CFAP91: variants seen among roughly 807,000 people sequenced by gnomAD.
The protein encoded by CFAP91 is cilia and flagella associated protein 91, also known as cilia- and flagella-associated protein 91.
Under a neutral mutation model 95.9 loss-of-function variants are expected in CFAP91, and 85 were observed. The ratio of observed to expected loss-of-function variants is 0.89; its 90% confidence interval spans 0.74 to 1.06. The LOEUF (loss-of-function observed/expected upper bound fraction) is 1.06. Among genes scored for constraint, CFAP91 ranks in the 50% least tolerant of loss-of-function variants. CFAP91 has a pLI of 0.00. For synonymous variants in CFAP91, 335 were observed against 327.5 expected (o/e 1.02, Z -0.25); for missense variants, 962 against 943.4 (o/e 1.02, Z -0.26).
chr3:119,722,090 A>G (rs1390754426), intron 6 of CFAP91, among the ~76,000 whole-genome samples: 2 of 149,608 alleles, frequency 1.3e-5, no homozygotes, highest in African/African-American at 2.5e-5. Flanking sequence ...GGATTGCTTG[A>G]GCCCAGGGGT....
At chr3:119,711,618 T>C (rs73192043) in intron 5 of CFAP91, among the ~76,000 whole-genome samples, 10,736 of 152,314 alleles carry the variant, frequency 0.07, 482 homozygotes, top group Non-Finnish European at 0.1. Flanking sequence ...TAGAACTTTT[T>C]AAAGAATGAA....
chr3:119,734,863 C>T (rs2053971703), intron 10 of CFAP91, among the ~76,000 whole-genome samples: 1 of 152,032 alleles, frequency 6.6e-6, no homozygotes, highest in Non-Finnish European at 1.5e-5. Context: ...TGATTTGTTC[C>T]TTCACTTTGG....
intron 1 of CFAP91, among the ~76,000 whole-genome samples, chr3:119,704,753 G>A (rs2053326899): frequency 6.6e-6 from 1 of 152,110 alleles, no homozygotes; most frequent in Admixed American, 6.5e-5. Context: ...ACATGTATAA[G>A]GATGGTCCCA....
At chr3:119,739,361 T>A (rs763858217) in intron 12 of CFAP91, 35 bp downstream of exon 12, 7 of 1,597,216 alleles carry the variant, frequency 4.4e-6, no homozygotes, top group Non-Finnish European at 5.2e-6. Flanking sequence ...TGCATTTCTC[T>A]TTTGAGAATA....
At chr3:119,714,333 T>C (rs2053534187) in intron 5 of CFAP91, among the ~76,000 whole-genome samples, 1 of 144,624 alleles carries the variant, frequency 6.9e-6, no homozygotes, top group African/African-American at 2.6e-5. Flanking sequence ...GCTACTGCAC[T>C]CTAACCTGGG....
intron 17 of CFAP91, among the ~76,000 whole-genome samples, chr3:119,761,873 A>C (rs2054544293): frequency 1.3e-5 from 2 of 151,992 alleles, no homozygotes; most frequent in African/African-American, 4.8e-5. Flanking sequence ...ACAAACCCAC[A>C]ACTAACATCA....
intron 17 of CFAP91, among the ~76,000 whole-genome samples, chr3:119,753,030 C>A (rs975217355): frequency 2.0e-5 from 3 of 151,854 alleles, no homozygotes; most frequent in African/African-American, 4.8e-5. Context: ...TAGTCATGGG[C>A]CACTGATTTA....
intron 17 of CFAP91, among the ~76,000 whole-genome samples, chr3:119,761,738 A>C (rs2054541685): frequency 6.6e-6 from 1 of 152,014 alleles, no homozygotes; most frequent in Non-Finnish European, 1.5e-5. Flanking sequence ...GACAAAAATC[A>C]CATGATCTTA....
intron 5 of CFAP91, among the ~76,000 whole-genome samples, chr3:119,714,234 C>G (rs947209117): frequency 6.6e-6 from 1 of 151,866 alleles, no homozygotes; most frequent in African/African-American, 2.4e-5. Flanking sequence ...GGCGTGGTGG[C>G]GGGCACCTGT....
chr3:119,707,035 A>T, intron 2 of CFAP91, 150 bp downstream of exon 2: 1 of 645,140 alleles, frequency 1.6e-6, no homozygotes. Flanking sequence ...AGGGCAAAGC[A>T]TCTTAATACG....
chr3:119,762,950 A>G (rs1014674754), intron 17 of CFAP91, among the ~76,000 whole-genome samples: 4 of 152,122 alleles, frequency 2.6e-5, no homozygotes, highest in Admixed American at 2.0e-4. Context: ...ACAGGCAACA[A>G]AAGTGAAAAT....
chr3:119,703,559 C>T (rs780486203), intron 1 of CFAP91, among the ~76,000 whole-genome samples: 7 of 152,332 alleles, frequency 4.6e-5, no homozygotes, highest in Non-Finnish European at 8.8e-5. Context: ...ATAAAATGCC[C>T]TACAAAAATG....
At chr3:119,738,302 C>CTTTGTT (rs1441429247) in intron 11 of CFAP91, among the ~76,000 whole-genome samples, 2 of 111,942 alleles carry the variant, frequency 1.8e-5, no homozygotes, top group Admixed American at 1.1e-4. Flanking sequence ...CTTTTCTAGA[C>CTTTGTT]TTTGTGCAGG....
At chr3:119,757,784 C>T (rs2054461451) in intron 17 of CFAP91, among the ~76,000 whole-genome samples, 1 of 152,046 alleles carries the variant, frequency 6.6e-6, no homozygotes, top group Non-Finnish European at 1.5e-5. Flanking sequence ...GGGACATTAC[C>T]AGGGGAAAGA....
At chr3:119,704,328 A>C (rs185271571) in intron 1 of CFAP91, among the ~76,000 whole-genome samples, 1 of 152,336 alleles carries the variant, frequency 6.6e-6, no homozygotes, top group Admixed American at 6.5e-5. Context: ...ATTCACTCAG[A>C]GTAGATCAAA....
chr3:119,732,329 G>A lies in CFAP91; in HGVS notation c.1054G>A (p.Glu352Lys), dbSNP rs1353097358. The change falls in exon 9 of 18, where the codon GAA (glutamate) becomes AAA (lysine). Residue 352 changes from glutamate to lysine, a missense_variant. By Grantham distance (56) the Glu-to-Lys change is moderately conservative. Transcript: ENST00000273390. ...RKLVGKRKNI[E>K]GKLERRNIIK... ...ACTTGTAGGAAAGAGAAAGAATATA[G>A]AAGGGAAGTTGGAGAGAAGAAATAT... 25 of 1,610,242 alleles carry A rather than the reference G, an allele frequency of 1.6e-5. No individual in the cohort carries two copies. The highest frequency in any genetic ancestry group is 2.7e-5 in the African/African-American group (2 of 74,802).
At chr3:119,705,052 C>T (rs1351620665) in intron 1 of CFAP91, among the ~76,000 whole-genome samples, 2 of 152,188 alleles carry the variant, frequency 1.3e-5, no homozygotes, top group Non-Finnish European at 2.9e-5. Context: ...TTTCTAAGAA[C>T]GTATCCCCAT....
intron 10 of CFAP91, among the ~76,000 whole-genome samples, chr3:119,735,996 G>T (rs2053994576): frequency 6.6e-6 from 1 of 151,298 alleles, no homozygotes; most frequent in Admixed American, 6.6e-5. Flanking sequence ...TTCTTGCAGG[G>T]AATGTCTGCT....
At chr3:119,751,216 AC>A in intron 17 of CFAP91, 118 bp downstream of exon 17, 1 of 1,142,788 alleles carries the variant, frequency 8.8e-7, no homozygotes, top group Non-Finnish European at 1.2e-6. Flanking sequence ...GAAATGGAGG[AC>A]TTCCACTTAA....
Sources: gnomAD v4.1 joint callset for allele counts (sites outside exome capture counted in the v4.1 genomes callset) on GRCh38, gnomAD v4.1.1 for gene constraint, MANE v1.5 for transcripts, NCBI Gene and HGNC (gene_info 2026-07-23, HGNC 2026-07-21) for gene names.